The following ADGRV1 variants were observed in gnomAD, a reference collection of about 807,000 sequenced individuals.
ADGRV1 encodes the protein adhesion G protein-coupled receptor V1.
A neutral mutation model predicts 596.2 loss-of-function variants in ADGRV1; 359 were observed. The ratio of observed to expected loss-of-function variants is 0.60; its 90% CI spans 0.55 to 0.66. The LOEUF is 0.66. Ranked by LOEUF, ADGRV1 falls within the 30% of genes least tolerant of loss-of-function variation. ADGRV1 has a pLI of 0.00. For synonymous variants in ADGRV1, 2,681 were observed against 2,679.2 expected (o/e 1.00, Z -0.02); for missense variants, 7,274 against 7,575.6 (o/e 0.96, Z 1.48).
At chr5:90,949,295 A>G (rs1250089781) in intron 83 of ADGRV1, among the ~76,000 whole-genome samples, 1 of 152,114 alleles carries the variant, frequency 6.6e-6, no homozygotes, top group Non-Finnish European at 1.5e-5. Context: ...TATACTTTAT[A>G]TGGGTCTGTG....
chr5:90,800,912 G>A (rs1276094647), intron 70 of ADGRV1, among the ~76,000 whole-genome samples: 2 of 152,066 alleles, frequency 1.3e-5, no homozygotes, highest in African/African-American at 4.8e-5. Flanking sequence ...TCACACACTT[G>A]GGGCCTGTCG....
chr5:90,715,098 G>C (rs984049339), intron 42 of ADGRV1, among the ~76,000 whole-genome samples: 1 of 152,216 alleles, frequency 6.6e-6, no homozygotes, highest in Admixed American at 6.5e-5. Context: ...CAGTAATTTA[G>C]ATCTTTTATA....
intron 25 of ADGRV1, among the ~76,000 whole-genome samples, chr5:90,677,868 G>A (rs2149560353): frequency 6.6e-6 from 1 of 152,168 alleles, no homozygotes; most frequent in Non-Finnish European, 1.5e-5. Context: ...TCATATGTAG[G>A]GACTGTCTAA....
intron 1 of ADGRV1, among the ~76,000 whole-genome samples, chr5:90,582,345 A>G (rs115388176): frequency 0.014 from 2,205 of 152,280 alleles, 54 homozygotes; most frequent in African/African-American, 0.051. Context: ...TTAGGCCAAG[A>G]AGATATTGTT....
At chr5:90,721,576 T>TAAAATAAAAA in intron 45 of ADGRV1, among the ~76,000 whole-genome samples, 1 of 119,930 alleles carries the variant, frequency 8.3e-6, no homozygotes, top group African/African-American at 3.3e-5. Context: ...TAAAATAAAA[T>TAAAATAAAAA]AAAATAAAAT....
At chr5:90,795,089 T>G (rs1057160996) in intron 70 of ADGRV1, among the ~76,000 whole-genome samples, 12 of 148,644 alleles carry the variant, frequency 8.1e-5, no homozygotes, top group Admixed American at 2.7e-4. Flanking sequence ...TGCAGAAGTT[T>G]TTTTTTTTTT....
chr5:90,828,889 A>G, intron 76 of ADGRV1, 55 bp from the exon 77 acceptor site: 3 of 1,177,738 alleles, frequency 2.5e-6, no homozygotes, highest in South Asian at 2.0e-5. Flanking sequence ...AGAACTATCT[A>G]CAGATAGAAA....
intron 25 of ADGRV1, among the ~76,000 whole-genome samples, chr5:90,677,253 A>G (rs1744356416): frequency 6.6e-6 from 1 of 152,198 alleles, no homozygotes; most frequent in Non-Finnish European, 1.5e-5. Context: ...TAAAATAGAT[A>G]ATTTGGGTAA....
chr5:91,164,015 T>C lies in ADGRV1; in HGVS notation c.*115T>C, dbSNP rs1267463817. 1 of 706,288 alleles carries C rather than the reference T, an allele frequency of 1.4e-6. No individual in the cohort carries two copies. The highest frequency in any genetic ancestry group is 2.6e-6 in the Non-Finnish European group (1 of 385,742). 43.8% of individuals were successfully genotyped at this position (706,288 alleles called of 1,614,324 possible). ...GAACCTGTGAATTGTACTGGATGAT[T>C]AATACAAACGTGATTGTTGTATTTG... On this transcript the variant is annotated 3_prime_UTR_variant, in exon 90 of 90. Coordinates refer to ENST00000405460, the MANE Select transcript of ADGRV1 (RefSeq NM_032119.4).
At chr5:90,762,310 G>A (rs1756596744) in intron 58 of ADGRV1, among the ~76,000 whole-genome samples, 1 of 151,922 alleles carries the variant, frequency 6.6e-6, no homozygotes, top group Admixed American at 6.6e-5. Flanking sequence ...TATATATCTG[G>A]CCCTCAGATT....
intron 20 of ADGRV1, 109 bp downstream of exon 20, chr5:90,654,061 A>T: frequency 9.1e-7 from 1 of 1,097,572 alleles, no homozygotes; most frequent in South Asian, 1.4e-5. Flanking sequence ...AACTCTACTT[A>T]TGCATTGGTT....
chr5:90,849,459 G>A (rs113485655), intron 79 of ADGRV1, among the ~76,000 whole-genome samples: 2,445 of 151,978 alleles, frequency 0.016, 70 homozygotes, highest in African/African-American at 0.057. Context: ...GCGGGGTCTC[G>A]GCTCACTTCA....
chr5:90,706,636 A>G (rs1004911154), intron 38 of ADGRV1, among the ~76,000 whole-genome samples: 1 of 151,968 alleles, frequency 6.6e-6, no homozygotes, highest in African/African-American at 2.4e-5. Context: ...CTATAACATA[A>G]GTGGTAACAT....
intron 75 of ADGRV1, among the ~76,000 whole-genome samples, chr5:90,817,811 C>A (rs1357063057): frequency 1.3e-5 from 2 of 152,174 alleles, no homozygotes; most frequent in African/African-American, 2.4e-5. Context: ...GTTTTGGTTA[C>A]TGTAGCCTTG....
chr5:90,822,392 G>T (rs1440820983), intron 75 of ADGRV1, among the ~76,000 whole-genome samples: 2 of 152,254 alleles, frequency 1.3e-5, no homozygotes, highest in Non-Finnish European at 2.9e-5. Flanking sequence ...TGCTCACGCT[G>T]GGAGCTGTAG....
intron 52 of ADGRV1, among the ~76,000 whole-genome samples, chr5:90,746,534 T>G (rs562012880): frequency 1.2e-4 from 18 of 152,340 alleles, no homozygotes; most frequent in African/African-American, 4.3e-4. Flanking sequence ...CAAGAGCATG[T>G]CCTCAGAGAA....
rs778594919 is a variant in ADGRV1 at position 90,658,216 on chromosome 5, A to G, written c.4690A>G (p.Thr1564Ala). The change falls in exon 21 of 90, where the codon ACA (threonine) becomes GCA (alanine). Residue 1564 changes from threonine to alanine, a missense_variant. By Grantham distance (58) the Thr-to-Ala change is moderately conservative. Coordinates refer to ENST00000405460, the MANE Select transcript of ADGRV1 (RefSeq NM_032119.4). Reference sequence around the variant, plus strand: ...GGAAGAAAATACTACTGCAAGATTAACAATACAAAAAAGTGACAATGCAAA... The same window carrying G: ...GGAAGAAAATACTACTGCAAGATTAGCAATACAAAAAAGTGACAATGCAAA... ...ISEENTTARL[T>A]IQKSDNANGL... 1 of 1,558,082 alleles carries G rather than the reference A, an allele frequency of 6.4e-7. No homozygotes were observed. The highest frequency in any genetic ancestry group is 8.7e-7 in the Non-Finnish European group (1 of 1,151,742).
At chr5:90,997,491 A>G (rs1056336249) in intron 85 of ADGRV1, among the ~76,000 whole-genome samples, 5 of 152,166 alleles carry the variant, frequency 3.3e-5, no homozygotes, top group Admixed American at 2.0e-4. Context: ...CTGCAGAACT[A>G]TAAGTCAATT....
At chr5:90,903,050 C>G (rs536876154) in intron 83 of ADGRV1, among the ~76,000 whole-genome samples, 42 of 151,976 alleles carry the variant, frequency 2.8e-4, no homozygotes, top group Non-Finnish European at 4.7e-4. Context: ...TTTTATGAAC[C>G]ATGTGTAGCA....
Sources: gnomAD v4.1 joint callset for allele counts (sites outside exome capture counted in the v4.1 genomes callset) on GRCh38, gnomAD v4.1.1 for gene constraint, MANE v1.5 for transcripts, NCBI Gene and HGNC (gene_info 2026-07-23, HGNC 2026-07-21) for gene names.